Variants in TTPA observed in about 807,000 individuals in gnomAD.
TTPA encodes alpha-tocopherol transfer protein.
TTPA carries 23 observed loss-of-function variants against 25.9 expected under a neutral mutation model. That is an observed-to-expected ratio of 0.89 (90% confidence interval 0.64 to 1.26). The LOEUF (loss-of-function observed/expected upper bound fraction) is 1.26, where lower values mean the gene tolerates loss of function less well. Among genes scored for constraint, TTPA ranks in the 50% most tolerant of loss-of-function variants. The pLI, the probability that TTPA is intolerant of heterozygous loss-of-function variation, is 0.00. For missense variants in TTPA, 337 were observed against 353.1 expected, an observed-to-expected ratio of 0.95 and a Z score of 0.37; for synonymous variants, 148 against 137.3, an observed-to-expected ratio of 1.08 and a Z score of -0.54.
intron 1 of TTPA, among the ~76,000 whole-genome samples, chr8:63,084,178 G>A (rs918575488): frequency 5.3e-5 from 8 of 152,094 alleles, no homozygotes; most frequent in African/African-American, 1.4e-4. Flanking sequence ...GAGCTACTGC[G>A]ACCTTTGGAA....
chr8:63,059,170 T>C (rs9792280), downstream of TTPA, among the ~76,000 whole-genome samples: 23 of 149,108 alleles, frequency 1.5e-4, no homozygotes, highest in East Asian at 4.3e-3. Context: ...TAGCTGGGAC[T>C]ACAGGCGCCC....
At chr8:63,062,005 C>A (rs540496796) in intron 4 of TTPA, among the ~76,000 whole-genome samples, 1 of 152,082 alleles carries the variant, frequency 6.6e-6, no homozygotes, top group Non-Finnish European at 1.5e-5. Flanking sequence ...GAGTTCAACA[C>A]CAGCCTGGGC....
chr8:63,080,736 T>TA (rs57602133), intron 1 of TTPA, among the ~76,000 whole-genome samples: 1 of 136,022 alleles, frequency 7.4e-6, no homozygotes, highest in African/African-American at 2.8e-5. Context: ...AAAAAAAAAA[T>TA]AAATAATAAT....
intron 1 of TTPA, among the ~76,000 whole-genome samples, chr8:63,077,083 T>C (rs1444127179): frequency 6.6e-6 from 1 of 152,126 alleles, no homozygotes; most frequent in Non-Finnish European, 1.5e-5. Context: ...AAAAATAGTA[T>C]AAGTAATGTA....
At chr8:63,068,371 T>C (rs1805430135) in intron 2 of TTPA, among the ~76,000 whole-genome samples, 1 of 152,124 alleles carries the variant, frequency 6.6e-6, no homozygotes, top group African/African-American at 2.4e-5. Flanking sequence ...CAAGAGAACA[T>C]GGCATCAGAG....
At chr8:63,075,381 T>C (rs1324195828) in intron 1 of TTPA, among the ~76,000 whole-genome samples, 1 of 152,104 alleles carries the variant, frequency 6.6e-6, no homozygotes, top group African/African-American at 2.4e-5. Context: ...CTCCTCACCA[T>C]CACCCTGAGA....
intron 1 of TTPA, among the ~76,000 whole-genome samples, chr8:63,083,578 A>G (rs1005578353): frequency 5.3e-5 from 8 of 151,544 alleles, no homozygotes; most frequent in African/African-American, 2.0e-4. Context: ...TGGCACATGT[A>G]TATCTATGTA....
At position 63,061,389 on chromosome 8, in the gene TTPA, G is replaced by GCAAGC; in HGVS notation, c.695_699dup (p.Leu234AlafsTer32). On this transcript the variant is annotated frameshift_variant, in exon 5 of 5. Coordinates refer to ENST00000260116, the MANE Select transcript of TTPA (RefSeq NM_000370.3). LOFTEE classifies it high-confidence loss of function. ...GGAAGAATGTCTGGGAAATGCTGAA[G>GCAAGC]CAAGCTTTGTTTGTAGTTGTTCCCA... The GCAAGC allele has an allele frequency of 6.2e-7, 1 of 1,614,000 alleles. No homozygotes were observed. Among genetic ancestry groups the GCAAGC allele is most frequent in the Non-Finnish European group, 8.5e-7 (1 of 1,179,950 alleles).
At chr8:63,082,421 G>T (rs965568262) in intron 1 of TTPA, among the ~76,000 whole-genome samples, 9 of 152,094 alleles carry the variant, frequency 5.9e-5, no homozygotes, top group African/African-American at 2.2e-4. Flanking sequence ...AATGGCGCTG[G>T]GAAAACTGGC....
intron 4 of TTPA, 73 bp from the exon 5 acceptor site, chr8:63,061,498 C>T: frequency 1.4e-6 from 2 of 1,379,778 alleles, no homozygotes; most frequent in Non-Finnish European, 2.0e-6. Context: ...CCTCATAAAA[C>T]AAGGTATTCT....
chr8:63,061,848 CAATT>C (rs1325013656), intron 4 of TTPA, among the ~76,000 whole-genome samples: 1 of 152,128 alleles, frequency 6.6e-6, no homozygotes, highest in African/African-American at 2.4e-5. Context: ...TCTGAGCACA[CAATT>C]AAATCTATGA....
intron 1 of TTPA, among the ~76,000 whole-genome samples, chr8:63,084,929 G>A (rs62510095): frequency 0.012 from 1,867 of 152,210 alleles, 17 homozygotes; most frequent in Non-Finnish European, 0.018. Context: ...ACCTCATACT[G>A]AGACACACTG....
intron 1 of TTPA, among the ~76,000 whole-genome samples, chr8:63,077,355 G>T (rs1805579593): frequency 6.6e-6 from 1 of 152,194 alleles, no homozygotes; most frequent in Non-Finnish European, 1.5e-5. Context: ...GCAAGGCGGG[G>T]CATTGCCTCA....
Position 63,061,197 on chromosome 8 carries a change from G to A in TTPA, c.*55C>T, listed in dbSNP as rs1280125224. The A allele has an allele frequency of 6.5e-7, 1 of 1,540,722 alleles. No individual in the cohort carries two copies. The highest frequency in any genetic ancestry group is 8.9e-7 in the Non-Finnish European group (1 of 1,119,132). The stretch of plus-strand genomic sequence containing the variant: ...CCTTTTCTTTCATTCATTTAACCAG[G>A]TTGGATATCACTCATGTATTTTTAG... On this transcript the variant is annotated 3_prime_UTR_variant, in exon 5 of 5. Coordinates refer to ENST00000260116, the MANE Select transcript of TTPA (RefSeq NM_000370.3).
chr8:63,077,698 T>A (rs1311090920), intron 1 of TTPA, among the ~76,000 whole-genome samples: 1 of 152,226 alleles, frequency 6.6e-6, no homozygotes, highest in Non-Finnish European at 1.5e-5. Context: ...CAGCAAGGCC[T>A]ACAGCCTCCA....
intron 2 of TTPA, among the ~76,000 whole-genome samples, chr8:63,070,314 C>T (rs771534007): frequency 3.9e-5 from 6 of 152,120 alleles, no homozygotes; most frequent in South Asian, 2.1e-4. Flanking sequence ...TTGGGTTGCC[C>T]GGCCCGCATG....
At chr8:63,082,152 A>G (rs1257099822) in intron 1 of TTPA, among the ~76,000 whole-genome samples, 6 of 152,216 alleles carry the variant, frequency 3.9e-5, no homozygotes, top group Non-Finnish European at 5.9e-5. Flanking sequence ...TTTAAAGTTC[A>G]TATTGAACCA....
intron 4 of TTPA, among the ~76,000 whole-genome samples, chr8:63,061,873 A>C (rs1004401062): frequency 6.6e-6 from 1 of 152,354 alleles, no homozygotes; most frequent in South Asian, 2.1e-4. Flanking sequence ...GAAACAATTT[A>C]TATGGTACAG....
At chr8:63,065,843 T>A in intron 3 of TTPA, 61 bp downstream of exon 3, 7 of 1,551,638 alleles carry the variant, frequency 4.5e-6, no homozygotes, top group Non-Finnish European at 6.2e-6. Context: ...GTCTAACATA[T>A]AACAAAATTT....
Sources: allele counts gnomAD v4.1 joint callset (sites outside exome capture counted in the v4.1 genomes callset), GRCh38; gene constraint gnomAD v4.1.1; transcripts MANE v1.5; gene names NCBI Gene and HGNC (gene_info 2026-07-23, HGNC 2026-07-21).